DPYS: variants seen among roughly 807,000 people sequenced by gnomAD.
DPYS encodes the protein dihydropyrimidine amidohydrolase.
A neutral mutation model predicts 50.3 loss-of-function variants in DPYS; 39 were observed. The ratio of observed to expected loss-of-function variants is 0.78; its 90% CI spans 0.60 to 1.01. The LOEUF (loss-of-function observed/expected upper bound fraction) is 1.01, where lower values mean the gene tolerates loss of function less well. Among genes scored for constraint, DPYS ranks in the 50% least tolerant of loss-of-function variants. The probability of loss-of-function intolerance (pLI) is 0.00; values close to 1 mark genes in which losing one functional copy is unlikely to be tolerated. For synonymous variants in DPYS, 245 were observed against 250.7 expected (o/e 0.98, Z 0.22); for missense variants, 659 against 680.9 (o/e 0.97, Z 0.36).
intron 8 of DPYS, among the ~76,000 whole-genome samples, chr8:104,385,621 T>G (rs1811188064): frequency 6.6e-6 from 1 of 152,208 alleles, no homozygotes; most frequent in South Asian, 2.1e-4. Context: ...TTGTCCCCTC[T>G]CAAACTCATG....
intron 4 of DPYS, among the ~76,000 whole-genome samples, 153 bp downstream of exon 4, chr8:104,444,095 G>A (rs916232613): frequency 7.9e-5 from 12 of 152,198 alleles, no homozygotes; most frequent in Non-Finnish European, 1.8e-4. Flanking sequence ...ACACACATAA[G>A]GATAAATGAA....
chr8:104,430,723 G>A (rs916825316), intron 4 of DPYS, among the ~76,000 whole-genome samples: 1 of 152,180 alleles, frequency 6.6e-6, no homozygotes, highest in African/African-American at 2.4e-5. Flanking sequence ...TCTTCCACTA[G>A]CTAGCTTAGG....
intron 7 of DPYS, among the ~76,000 whole-genome samples, chr8:104,423,056 T>C (rs996322328): frequency 6.6e-6 from 1 of 152,258 alleles, no homozygotes; most frequent in Admixed American, 6.5e-5. Flanking sequence ...ACCAGATATT[T>C]AGTCCTTAAA....
At chr8:104,391,548 A>AT (rs1811389912) in intron 8 of DPYS, among the ~76,000 whole-genome samples, 1 of 152,134 alleles carries the variant, frequency 6.6e-6, no homozygotes, top group Admixed American at 6.5e-5. Flanking sequence ...ATTCTCAAAT[A>AT]TTTTAGTGTA....
chr8:104,428,266 C>T (rs1812807727), intron 5 of DPYS, 145 bp from the exon 6 acceptor site: 2 of 1,054,420 alleles, frequency 1.9e-6, no homozygotes, highest in South Asian at 1.4e-5. Context: ...TTTTCAAGAA[C>T]ATATTTCATC....
chr8:104,402,629 C>A (rs1299371801), intron 7 of DPYS, among the ~76,000 whole-genome samples: 1 of 152,166 alleles, frequency 6.6e-6, no homozygotes, highest in Non-Finnish European at 1.5e-5. Context: ...ACAACTTGAG[C>A]AGGAAAAGAT....
chr8:104,429,858 A>C (rs1050169479), intron 4 of DPYS, among the ~76,000 whole-genome samples, 157 bp from the exon 5 acceptor site: 2 of 152,214 alleles, frequency 1.3e-5, no homozygotes, highest in African/African-American at 4.8e-5. Context: ...GACAGGATTT[A>C]AAAATCCATG....
chr8:104,379,817 C>A lies in DPYS; in HGVS notation c.*41G>T, dbSNP rs1172909945. ...CAATGTTTGGCTGTGAAGGGAATGGCAGCCTCCTTTCCTCTGATTTTTTTA... is the reference window on the plus strand; with the variant it reads ...CAATGTTTGGCTGTGAAGGGAATGGAAGCCTCCTTTCCTCTGATTTTTTTA... On this transcript the variant is annotated 3_prime_UTR_variant, in exon 10 of 10. Transcript: ENST00000351513. The A allele has an allele frequency of 2.2e-6, 1 of 456,520 alleles. No individual in the cohort carries two copies. Among genetic ancestry groups the A allele is most frequent in the Non-Finnish European group, 4.4e-6 (1 of 226,948 alleles). The allele number at this position is 456,520 out of a possible 1,614,324, so 28.3% of individuals were successfully genotyped here.
intron 7 of DPYS, chr8:104,421,016 A>G (rs896083210): frequency 6.6e-6 from 1 of 152,224 alleles, no homozygotes; most frequent in Non-Finnish European, 1.5e-5. Context: ...ACAATTCTTA[A>G]TGATCACATT....
intron 1 of DPYS, among the ~76,000 whole-genome samples, chr8:104,453,847 A>G (rs1258147626): frequency 1.3e-5 from 2 of 152,246 alleles, no homozygotes; most frequent in African/African-American, 4.8e-5. Flanking sequence ...ATACAATGGG[A>G]TAGTATTTTA....
At position 104,467,023 on chromosome 8, in the gene DPYS, C is replaced by G. The variant is rs1026878430; in HGVS notation, c.-103G>C. On this transcript the variant is annotated 5_prime_UTR_variant, in exon 1 of 10. Coordinates refer to ENST00000351513, the MANE Select transcript of DPYS (RefSeq NM_001385.3). The stretch of plus-strand genomic sequence containing the variant: ...TGCCCTCCTGCAAGGTCCCCACCGA[C>G]AGCCCCCGAGCTCTGCCTCAGGCTG... The G allele has an allele frequency of 1.3e-5, 17 of 1,307,050 alleles. No homozygotes were observed. Among genetic ancestry groups the G allele is most frequent in the Non-Finnish European group, 1.6e-5 (16 of 1,018,010 alleles). The allele number at this position is 1,307,050 out of a possible 1,614,324, so 81.0% of individuals were successfully genotyped here. A position where few individuals can be genotyped will look rare whatever the true frequency, so the allele number is the denominator to read the frequency against.
rs768753183 is a variant in DPYS, at chr8:104,399,303, A to C, written c.1236-6312T>G. ...GAGACTCCATCTCAAAAAAAAAAAA[A>C]AAAAAAACAACAACAAAAAAAAACC... On this transcript the variant is annotated intron_variant, in intron 7 of 9. Transcript: ENST00000351513. 1.6e-3 allele frequency among the ~76,000 whole-genome samples: 62 copies of C among 37,836 alleles called. 3 individuals are homozygous for C. The highest frequency in any genetic ancestry group is 3.2e-3 in the Non-Finnish European group (32 of 10,058). The allele number at this position is 37,836 out of a possible 152,430, so 24.8% of individuals were successfully genotyped here. A position where few individuals can be genotyped will look rare whatever the true frequency, so the allele number is the denominator to read the frequency against.
intron 1 of DPYS, among the ~76,000 whole-genome samples, chr8:104,458,518 C>T (rs946431189): frequency 6.6e-6 from 1 of 152,194 alleles, no homozygotes; most frequent in Admixed American, 6.5e-5. Context: ...TACCCCATTC[C>T]CCAGAGATTC....
rs756812993 is a variant in DPYS at position 104,461,466 on chromosome 8, G to A, written c.264+5191C>T. Among the ~76,000 whole-genome samples, 9 of 152,114 alleles carry A rather than the reference G, an allele frequency of 5.9e-5. No individual in the cohort carries two copies. The South Asian group carries it at 1.2e-3, about 21-fold the overall frequency. On this transcript the variant is annotated intron_variant, in intron 1 of 9. Transcript: ENST00000351513. ...ATGTGTCTAATACTCATTGGCCCAG[G>A]CATTTTACTCTAAGGGATCATTTCT...
chr8:104,453,566 A>C (rs919956719), intron 1 of DPYS, among the ~76,000 whole-genome samples: 9 of 152,252 alleles, frequency 5.9e-5, no homozygotes, highest in Non-Finnish European at 1.3e-4. Context: ...CACACGCAGG[A>C]TGTGGAGAAA....
At chr8:104,451,140 C>T in intron 2 of DPYS, 106 bp downstream of exon 2, 1 of 1,432,666 alleles carries the variant, frequency 7.0e-7, no homozygotes, top group Non-Finnish European at 9.8e-7. Flanking sequence ...CCTGCCAGTT[C>T]TGTCCTCCTG....
chr8:104,400,486 T>C (rs1194138536), intron 7 of DPYS, among the ~76,000 whole-genome samples: 1 of 152,230 alleles, frequency 6.6e-6, no homozygotes, highest in Non-Finnish European at 1.5e-5. Flanking sequence ...AGAGTGGCAA[T>C]TGTGAGAAAT....
At chr8:104,386,856 G>A (rs537293181) in intron 8 of DPYS, among the ~76,000 whole-genome samples, 93 of 152,166 alleles carry the variant, frequency 6.1e-4, no homozygotes, top group Non-Finnish European at 9.9e-4. Flanking sequence ...TTGAACTCCT[G>A]ACCTCAGGTG....
At chr8:104,458,718 G>A (rs148134511) in intron 1 of DPYS, among the ~76,000 whole-genome samples, 189 of 152,284 alleles carry the variant, frequency 1.2e-3, no homozygotes, top group African/African-American at 4.2e-3. Flanking sequence ...TGTAAGTTGC[G>A]TGTTAGTGTG....
Sources: gnomAD v4.1 joint callset for allele counts (sites outside exome capture counted in the v4.1 genomes callset) on GRCh38, gnomAD v4.1.1 for gene constraint, MANE v1.5 for transcripts, NCBI Gene and HGNC (gene_info 2026-07-23, HGNC 2026-07-21) for gene names.